The following RP1 variants were observed in gnomAD, a reference collection of about 807,000 sequenced individuals.
RP1 encodes the protein RP1 axonemal microtubule associated.
Under a neutral mutation model 14.8 loss-of-function variants are expected in RP1, and 16 were observed. The observed-to-expected ratio is 1.08, with a 90% CI of 0.73 to 1.65. The LOEUF (loss-of-function observed/expected upper bound fraction) is 1.65. RP1 is among the 40% of genes most tolerant of loss of function. The pLI is 0.00. For missense variants in RP1, 2,631 were observed against 2,535.0 expected (o/e 1.04, Z -0.81); for synonymous variants, 876 against 883.6 (o/e 0.99, Z 0.15).
chr8:54,624,942 A>G lies in RP1; in HGVS notation c.1060A>G (p.Ser354Gly). The G allele has an allele frequency of 6.2e-7, 1 of 1,614,194 alleles. No homozygotes were observed. The highest frequency in any genetic ancestry group is 8.5e-7 in the Non-Finnish European group (1 of 1,180,036). ...AACCATAAAATGGACAACTACTGTC[A>G]GTAAAACTGGTCCTTCTAATAATGA... The part of the protein sequence containing the change: ...EETIKWTTTV[S>G]KTGPSNNDEK... The change falls in exon 4 of 4, where the codon AGT (serine) becomes GGT (glycine). Residue 354 changes from serine to glycine, a missense_variant. Physicochemically the swap from Ser to Gly is moderately conservative, Grantham distance 56. Coordinates refer to ENST00000220676, the MANE Select transcript of RP1 (RefSeq NM_006269.2).
chr8:54,799,090 T>C (rs1000670718), intron 24 of RP1, among the ~76,000 whole-genome samples: 1 of 152,014 alleles, frequency 6.6e-6, no homozygotes, highest in East Asian at 1.9e-4. Flanking sequence ...TTTGAGACTA[T>C]GTTAATTAAG....
chr8:54,768,708 G>A (rs1809825958), intron 22 of RP1, among the ~76,000 whole-genome samples: 1 of 152,138 alleles, frequency 6.6e-6, no homozygotes. Context: ...TTTCAAGAGG[G>A]TAAGATCACA....
In RP1 at chr8:54,667,957, A is replaced by G. The variant is rs890350644; in HGVS notation, c.1323+4107A>G. On this transcript the variant is annotated intron_variant, in intron 7 of 22. Transcript: ENST00000636932. ...CTTCTGAAACTATTCCAATCAATAG[A>G]AAAAGAGGTAATCCTCTCTAACTCA... Among the ~76,000 whole-genome samples the G allele has an allele frequency of 8.5e-5, 13 of 152,180 alleles. No individual in the cohort carries two copies. The South Asian group carries it at 2.7e-3, about 32-fold the overall frequency.
Position 54,629,185 on chromosome 8 carries a change from A to G in RP1, c.5303A>G (p.Asp1768Gly), listed in dbSNP as rs1476337533. Residue 1768 changes from aspartate (D) to glycine (G), a missense_variant, in exon 4 of 4, where the codon GAC (aspartate) becomes GGC (glycine). Coordinates refer to ENST00000220676, the MANE Select transcript of RP1 (RefSeq NM_006269.2). ...SENPGMCGNA[D>G]TTSVDTLLDN... is the part of the protein sequence containing the mutation. ...AATCCTGGCATGTGTGGCAATGCAG[A>G]CACCACATCAGTGGACACCCTACTT... 10 of 1,614,010 alleles carry G rather than the reference A, an allele frequency of 6.2e-6. No homozygotes were observed. Among genetic ancestry groups the G allele is most frequent in the Admixed American group, 1.7e-5 (1 of 60,004 alleles).
intron 4 of RP1, among the ~76,000 whole-genome samples, chr8:54,651,284 T>G (rs1235964548): frequency 6.6e-6 from 1 of 152,218 alleles, no homozygotes; most frequent in East Asian, 1.9e-4. Flanking sequence ...ATCAGCATAA[T>G]GCTGACCTTG....
chr8:54,707,746 A>G (rs1373143938), intron 15 of RP1, among the ~76,000 whole-genome samples: 2 of 152,218 alleles, frequency 1.3e-5, no homozygotes, highest in African/African-American at 4.8e-5. Flanking sequence ...TCGGTGCTGC[A>G]GACTGGTGAG....
At chr8:54,668,859 C>A (rs1182601692) in intron 7 of RP1, among the ~76,000 whole-genome samples, 1 of 152,104 alleles carries the variant, frequency 6.6e-6, no homozygotes, top group Non-Finnish European at 1.5e-5. Context: ...CTTCCTTACA[C>A]CTTATACAAA....
chr8:54,569,113 G>A (rs1463434864), intron 1 of RP1, among the ~76,000 whole-genome samples: 4 of 152,148 alleles, frequency 2.6e-5, no homozygotes, highest in African/African-American at 9.7e-5. Flanking sequence ...CCAAAGTTAC[G>A]TTCCCAGGAG....
chr8:54,593,401 T>C (rs1805081310), intron 1 of RP1, among the ~76,000 whole-genome samples: 1 of 152,240 alleles, frequency 6.6e-6, no homozygotes, highest in South Asian at 2.1e-4. Flanking sequence ...GCTACTAGTG[T>C]ATCACCTTGA....
chr8:54,564,783 C>G (rs903273304), intron 1 of RP1, among the ~76,000 whole-genome samples: 4 of 152,186 alleles, frequency 2.6e-5, no homozygotes, highest in Non-Finnish European at 5.9e-5. Flanking sequence ...TGTGAATTTC[C>G]TAGTCCAGTC....
rs1184907135 is a variant in RP1, at chr8:54,818,877, TGA to T, written c.3616-18571_3616-18570del. 7.9e-5 allele frequency among the ~76,000 whole-genome samples: 12 copies of T among 152,108 alleles called. No homozygotes were observed. The East Asian group carries it at 2.1e-3, about 27-fold the overall frequency. ...ATCAGCAATGATGGAGTGCATTCTG[TGA>T]GGAGAGTCTTCAGGTCTGAAGGCTT... On this transcript the variant is annotated intron_variant, in intron 24 of 28. Transcript: ENST00000637698.
At chr8:54,781,569 TA>T (rs1810190723) in intron 23 of RP1, among the ~76,000 whole-genome samples, 1 of 152,224 alleles carries the variant, frequency 6.6e-6, no homozygotes, top group Non-Finnish European at 1.5e-5. Flanking sequence ...TTAGCCCTGT[TA>T]TAAATAAATT....
rs1808867189 is a variant in RP1, at chr8:54,734,489, A to C, written c.2522-56A>C. ...TCCTTTGGCTCCAGTGTGACAAAGG[A>C]TTCTGTCAGCCTGATGTTATATCTG... On this transcript the variant is annotated intron_variant, in intron 17 of 22. Coordinates refer to the RP1 transcript ENST00000636932. 3 of 1,457,624 alleles carry C rather than the reference A, an allele frequency of 2.1e-6. No homozygotes were observed. In the Admixed American group the frequency reaches 6.4e-5, roughly 31 times the overall value. The allele number at this position is 1,457,624 out of a possible 1,614,324, so 90.3% of individuals were successfully genotyped here.
At chr8:54,603,889 G>T (rs1465221975) in intron 1 of RP1, among the ~76,000 whole-genome samples, 2 of 152,156 alleles carry the variant, frequency 1.3e-5, no homozygotes, top group African/African-American at 4.8e-5. Context: ...CACTGATTTT[G>T]TATCCTGAGA....
chr8:54,604,784 G>A (rs918207056), intron 1 of RP1, among the ~76,000 whole-genome samples: 18 of 152,186 alleles, frequency 1.2e-4, no homozygotes, highest in South Asian at 2.1e-4. Flanking sequence ...TATGTGTTGC[G>A]GAATTTATCC....
At chr8:54,667,714 T>C (rs1807050490) in intron 7 of RP1, among the ~76,000 whole-genome samples, 1 of 152,132 alleles carries the variant, frequency 6.6e-6, no homozygotes, top group South Asian at 2.1e-4. Flanking sequence ...TTGTATTTGT[T>C]TATTTGGTAC....
chr8:54,677,804 A>G (rs1030019039), intron 8 of RP1, among the ~76,000 whole-genome samples: 3 of 152,186 alleles, frequency 2.0e-5, no homozygotes, highest in Non-Finnish European at 2.9e-5. Flanking sequence ...CACCAACTCA[A>G]TAATTTTAAT....
chr8:54,721,995 C>G (rs916801896), intron 16 of RP1, among the ~76,000 whole-genome samples: 1 of 152,042 alleles, frequency 6.6e-6, no homozygotes, highest in Non-Finnish European at 1.5e-5. Flanking sequence ...ATAATCCCAG[C>G]ACTTTGGGAG....
At chr8:54,816,995 G>T (rs951839046) in intron 24 of RP1, among the ~76,000 whole-genome samples, 9 of 151,936 alleles carry the variant, frequency 5.9e-5, no homozygotes, top group African/African-American at 2.2e-4. Flanking sequence ...TTGTCATTCA[G>T]ATCTCAGCCT....
Sources: allele counts gnomAD v4.1 joint callset (sites outside exome capture counted in the v4.1 genomes callset), GRCh38; gene constraint gnomAD v4.1.1; transcripts MANE v1.5; gene names NCBI Gene and HGNC (gene_info 2026-07-23, HGNC 2026-07-21).